HECTD3: variants seen among roughly 807,000 people sequenced by gnomAD.
HECTD3 encodes HECT domain E3 ubiquitin protein ligase 3.
Under a neutral mutation model 109.3 loss-of-function variants are expected in HECTD3, and 72 were observed. The observed-to-expected ratio is 0.66, with a 90% CI of 0.54 to 0.80. HECTD3 has a LOEUF of 0.80. Among genes scored for constraint, HECTD3 ranks in the 30% least tolerant of loss-of-function variants. HECTD3 has a pLI of 0.00. For missense variants in HECTD3, 1,041 were observed against 1,165.2 expected (o/e 0.89, Z 1.55); for synonymous variants, 481 against 471.8 (o/e 1.02, Z -0.25).
rs961303663 is a variant in HECTD3 at position 45,006,838 on chromosome 1, C to G, written c.1622-43G>C. On this transcript the variant is annotated intron_variant, in intron 12 of 20. Transcript: ENST00000372172. The surrounding 1 kb of genome is among the most constrained non-coding windows in gnomAD (Gnocchi z 4.7). The stretch of plus-strand genomic sequence containing the variant: ...CTCAGCTGGGCACTCAAGAGCCCAG[C>G]TCCCATAATGGGGTAATGAATAGGT... 1.4e-5 allele frequency: 23 copies of G among 1,598,460 alleles called. No individual in the cohort carries two copies. Among genetic ancestry groups the G allele is most frequent in the Non-Finnish European group, 2.0e-5 (23 of 1,167,610 alleles).
chr1:45,005,900 C>A lies in HECTD3; in HGVS notation c.1846-17G>T. The A allele has an allele frequency of 6.2e-7, 1 of 1,604,452 alleles. No individual in the cohort carries two copies. The highest frequency in any genetic ancestry group is 8.5e-7 in the Non-Finnish European group (1 of 1,175,226). ...GGCCAGGACCTGTGTGACAAACACTCCCCACTGTCTTCTCACCCTGAGCTG... is the reference window on the plus strand; with the variant it reads ...GGCCAGGACCTGTGTGACAAACACTACCCACTGTCTTCTCACCCTGAGCTG... On this transcript the variant is annotated splice_polypyrimidine_tract_variant and intron_variant, in intron 14 of 20. Transcript: ENST00000372172.
chr1:45,009,188 G>A lies in HECTD3; in HGVS notation c.1028C>T (p.Thr343Ile). 3 of 1,614,070 alleles carry A rather than the reference G, an allele frequency of 1.9e-6. No homozygotes were observed. Among genetic ancestry groups the A allele is most frequent in the Non-Finnish European group, 2.5e-6 (3 of 1,179,950 alleles). ...GATCTCGATGATCGGGAGGTGGACG[G>A]TCATGTCCTCCAGGACACAGACATC... ...IGDVCVLEDM[T>I]VHLPIIEIRI... The change falls in exon 7 of 21, where the codon ACC becomes ATC. Residue 343 changes from threonine (T) to isoleucine (I), a missense_variant. By Grantham distance (89) the Thr-to-Ile change is moderately conservative (BLOSUM62 -1). This residue lies in a region of HECTD3 where 569 missense variants were observed against 715.3 expected (regional missense o/e 0.80). Coordinates refer to ENST00000372172, the MANE Select transcript of HECTD3 (RefSeq NM_024602.6).
intron 8 of HECTD3, 67 bp from the exon 9 acceptor site, chr1:45,008,388 A>C (rs1644754941): frequency 1.3e-6 from 2 of 1,507,240 alleles, no homozygotes; most frequent in Non-Finnish European, 1.8e-6. Context: ...ACTCCCCAAC[A>C]TAAAGGGACA....
Position 45,010,655 on chromosome 1 carries a change from G to C in HECTD3, c.421C>G (p.Leu141Val), listed in dbSNP as rs200762450. ...GDCGLQEGWL[L>V]VCRPAEGGAR... ...CCGCCCTCCGCCGGGCGGCACACCA[G>C]CAGCCAGCCTTCCTGCAGCCCGCAG... Residue 141 changes from leucine (L) to valine (V), a missense_variant, in exon 2 of 21, where the codon CTG becomes GTG. By Grantham distance (32) the Leu-to-Val change is conservative. Transcript: ENST00000372172. 240 of 1,596,882 alleles carry C rather than the reference G, an allele frequency of 1.5e-4. No homozygotes were observed. Among genetic ancestry groups the C allele is most frequent in the Non-Finnish European group, 2.4e-5 (28 of 1,174,660 alleles).
chr1:45,003,442 G>C lies in HECTD3; in HGVS notation c.*50C>G, dbSNP rs752757543. On this transcript the variant is annotated 3_prime_UTR_variant, in exon 21 of 21. Transcript: ENST00000372172. This position sits in a 1 kb window ranked among gnomAD's most constrained non-coding sequence, Gnocchi z 4.7. ...GGAAGGTGTCTTCGCCCTGGGCAAG[G>C]CCAAGAGGGACACGTGCAGTCTTGC... 6.4e-7 allele frequency: 1 copy of C among 1,552,284 alleles called. No individual in the cohort carries two copies. Among genetic ancestry groups the C allele is most frequent in the Non-Finnish European group, 8.9e-7 (1 of 1,124,850 alleles).
intron 11 of HECTD3, 89 bp downstream of exon 11, chr1:45,007,129 TG>T: frequency 7.7e-4 from 2 of 2,612 alleles, no homozygotes; most frequent in Non-Finnish European, 1.8e-3. Context: ...CGAGCAGTTG[TG>T]TGTGTGTGTG....
chr1:45,007,315 C>G (rs1644745078), intron 10 of HECTD3, 44 bp from the exon 11 acceptor site: 1 of 1,604,028 alleles, frequency 6.2e-7, no homozygotes, highest in Admixed American at 1.7e-5. Flanking sequence ...CAAGACCTGG[C>G]CCTATACTTG....
In HECTD3 at chr1:45,004,727, G is replaced by A. The variant is rs1262307069; in HGVS notation, c.2015C>T (p.Thr672Ile). ...CACCACCTGTTGGTCACTCAGTACA[G>A]TGGTGAATGTTAGTTCCTTCCCAAA... ...FKFGKELTFT[T>I]VLSDQQVVEL... Residue 672 changes from threonine to isoleucine, a missense_variant, in exon 16 of 21, where the codon ACT becomes ATT. This residue lies in a region of HECTD3 where 569 missense variants were observed against 715.3 expected (regional missense o/e 0.80). Transcript: ENST00000372172. The A allele has an allele frequency of 1.2e-6, 2 of 1,614,208 alleles. No individual in the cohort carries two copies. Among genetic ancestry groups the A allele is most frequent in the East Asian group, 2.2e-5 (1 of 44,890 alleles).
chr1:45,007,681 A>C, intron 9 of HECTD3, 86 bp from the exon 10 acceptor site: 1 of 1,123,406 alleles, frequency 8.9e-7, no homozygotes, highest in Non-Finnish European at 1.3e-6. Flanking sequence ...GCCTGTATCC[A>C]ATTCCACCGT....
Position 45,008,533 on chromosome 1 carries a change from C to T in HECTD3, c.1238+3G>A. On this transcript the variant is annotated splice_donor_region_variant and intron_variant, in intron 8 of 20. Transcript: ENST00000372172. ...GGGCCCATAGGTCCAGGACCACAGC[C>T]ACCTCTGCAGGAGGACAGCTCTGCG... The T allele has an allele frequency of 6.2e-7, 1 of 1,612,248 alleles. No homozygotes were observed. Among genetic ancestry groups the T allele is most frequent in the South Asian group, 1.1e-5 (1 of 91,048 alleles).
At position 45,004,666 on chromosome 1, in the gene HECTD3, T is replaced by C; in HGVS notation, c.2076A>G (p.Gly692=). 4 of 1,614,114 alleles carry C rather than the reference T, an allele frequency of 2.5e-6. No individual in the cohort carries two copies. The highest frequency in any genetic ancestry group is 3.4e-6 in the Non-Finnish European group (4 of 1,180,018). ...GGATGAAACGAGAACGGTCCCCATA[T>C]CCCACGACGATGCCTGCACCCCCAG... ...LIPGGAGIVV[G]YGDRSRFIQL... The change falls in exon 16 of 21, where the codon GGA becomes GGG. Residue 692 remains glycine, a synonymous_variant. Coordinates refer to ENST00000372172, the MANE Select transcript of HECTD3 (RefSeq NM_024602.6).
Position 45,008,604 on chromosome 1 carries a change from C to T in HECTD3, c.1170G>A (p.Leu390=), listed in dbSNP as rs758268136. Residue 390 remains leucine (L), a synonymous_variant, in exon 8 of 21, where the codon CTG becomes CTA. Coordinates refer to ENST00000372172, the MANE Select transcript of HECTD3 (RefSeq NM_024602.6). Reference sequence around the variant, plus strand: ...TGCCTTCTAGGCGTGGATATCGCACCAGACTAGTTGGCTGGAACAGGTCTG... The same window carrying T: ...TGCCTTCTAGGCGTGGATATCGCACTAGACTAGTTGGCTGGAACAGGTCTG... ...LNADLFQPTS[L]VRYPRLEGTD... is the part of the protein sequence containing the mutation. 3 of 1,614,090 alleles carry T rather than the reference C, an allele frequency of 1.9e-6. No homozygotes were observed. In the South Asian group the frequency reaches 3.3e-5, roughly 18 times the overall value.
chr1:45,008,961 T>A (rs1179479003), intron 7 of HECTD3, among the ~76,000 whole-genome samples, 183 bp downstream of exon 7: 8 of 152,172 alleles, frequency 5.3e-5, no homozygotes, highest in African/African-American at 1.9e-4. Context: ...TGTATGGCTT[T>A]AAGGCAGGCC....
At chr1:45,008,977 C>G (rs1644759584) in intron 7 of HECTD3, among the ~76,000 whole-genome samples, 167 bp downstream of exon 7, 1 of 152,186 alleles carries the variant, frequency 6.6e-6, no homozygotes, top group South Asian at 2.1e-4. Flanking sequence ...AGGCCTATAC[C>G]TGGCATGTCC....
rs145734736 is a variant in HECTD3, at chr1:45,009,844, C to T, written c.759+142G>A. 4.4e-5 allele frequency: 51 copies of T among 1,160,956 alleles called. No individual in the cohort carries two copies. The East Asian group carries it at 7.1e-4, about 16-fold the overall frequency. The allele number at this position is 1,160,956 out of a possible 1,614,324, so 71.9% of individuals were successfully genotyped here. A position where few individuals can be genotyped will look rare whatever the true frequency, so the allele number is the denominator to read the frequency against. On this transcript the variant is annotated intron_variant, in intron 4 of 20. Coordinates refer to ENST00000372172, the MANE Select transcript of HECTD3 (RefSeq NM_024602.6). ...CTGGGTATGTAAGGGGTCCTATAGACGTCCAAGATGGGGAGCTGAACTGAG... is the reference window on the plus strand; with the variant it reads ...CTGGGTATGTAAGGGGTCCTATAGATGTCCAAGATGGGGAGCTGAACTGAG...
At position 45,010,308 on chromosome 1, in the gene HECTD3, T is replaced by G; in HGVS notation, c.531-15A>C. 6.2e-7 allele frequency: 1 copy of G among 1,610,838 alleles called. No homozygotes were observed. Among genetic ancestry groups the G allele is most frequent in the East Asian group, 2.2e-5 (1 of 44,832 alleles). On this transcript the variant is annotated splice_polypyrimidine_tract_variant and intron_variant, in intron 2 of 20. Coordinates refer to ENST00000372172, the MANE Select transcript of HECTD3 (RefSeq NM_024602.6). ...CCTGTTCCCACCTGTGGGCACAGAG[T>G]AGGGAGTGGGATGGGGAGACATCAG...
chr1:45,008,499 G>A (rs1644755907), intron 8 of HECTD3, 37 bp downstream of exon 8: 2 of 1,601,688 alleles, frequency 1.2e-6, no homozygotes, highest in African/African-American at 1.3e-5. Flanking sequence ...CAATGTTGGG[G>A]GAAGGGAAGG....
intron 15 of HECTD3, chr1:45,005,346 A>G (rs139259445): frequency 2.0e-5 from 4 of 200,192 alleles, no homozygotes; most frequent in African/African-American, 9.3e-5. Context: ...GGTGTCCTCA[A>G]CCAGGCAGGG....
At chr1:45,009,823 G>C (rs1016888593) in intron 4 of HECTD3, 140 bp from the exon 5 acceptor site, 2 of 1,056,194 alleles carry the variant, frequency 1.9e-6, no homozygotes, top group African/African-American at 1.6e-5. Flanking sequence ...GGGCCGCTGG[G>C]TATGTAAGGG....
Sources: gnomAD v4.1 joint callset for allele counts (sites outside exome capture counted in the v4.1 genomes callset) on GRCh38, gnomAD v4.1.1 for gene constraint, gnomAD v4.1.1 regional missense constraint, Gnocchi (gnomAD v3.1) non-coding constraint, MANE v1.5 for transcripts, NCBI Gene and HGNC (gene_info 2026-07-23, HGNC 2026-07-21) for gene names.